The following PCDHGC3 variants were observed in gnomAD, a reference collection of about 807,000 sequenced individuals.
The protein encoded by PCDHGC3 is protocadherin gamma-C3.
A neutral mutation model predicts 59.2 loss-of-function variants in PCDHGC3; 26 were observed. That is an observed-to-expected ratio of 0.44 (90% CI 0.32 to 0.61). The LOEUF is 0.61. Among genes scored for constraint, PCDHGC3 ranks in the 20% least tolerant of loss-of-function variants. PCDHGC3 has a pLI of 0.05. For synonymous variants in PCDHGC3, 487 were observed against 519.7 expected (o/e 0.94, Z 0.86); for missense variants, 1,080 against 1,221.8 (o/e 0.88, Z 1.73).
intron 1 of PCDHGC3, among the ~76,000 whole-genome samples, chr5:141,481,223 A>C (rs935737972): frequency 3.3e-5 from 5 of 152,242 alleles, no homozygotes; most frequent in Non-Finnish European, 7.3e-5. Context: ...AAGGTCTCCC[A>C]GCCTTAAAGT....
In PCDHGC3 at chr5:141,477,446, C is replaced by A; in HGVS notation, c.1330C>A (p.Arg444Ser). 1 of 1,614,196 alleles carries A rather than the reference C, an allele frequency of 6.2e-7. No homozygotes were observed. The highest frequency in any genetic ancestry group is 8.5e-7 in the Non-Finnish European group (1 of 1,180,022). The part of the protein sequence containing the change: ...TPSLSALTIV[R>S]VQVSDINDNP... The stretch of plus-strand genomic sequence containing the variant: ...TTCCCTCTCAGCCCTTACAATAGTG[C>A]GTGTTCAAGTGTCCGACATCAATGA... The change falls in exon 1 of 4, where the codon CGT becomes AGT. Residue 444 changes from arginine to serine, a missense_variant. Physicochemically the swap from Arg to Ser is moderately radical, Grantham distance 110. Transcript: ENST00000308177. The surrounding 1 kb of genome is among the most constrained non-coding windows in gnomAD (Gnocchi z 4.9).
At position 141,492,010 on chromosome 5, in the gene PCDHGC3, G is replaced by A. The variant is rs2099736138; in HGVS notation, c.2431-2797G>A. 2 of 617,370 alleles carry A rather than the reference G, an allele frequency of 3.2e-6. 1 individual carries two copies. Among genetic ancestry groups the A allele is most frequent in the Middle Eastern group, 8.7e-4 (2 of 2,312 alleles). The allele number at this position is 617,370 out of a possible 1,614,324, so 38.2% of individuals were successfully genotyped here. On this transcript the variant is annotated intron_variant, in intron 1 of 3. Transcript: ENST00000308177. Reference sequence around the variant, plus strand: ...GGTGAATTTCGGGCGATTTCCGCGGGTGTCGGGGGTCCCGGGAGGAGGCAG... The same window carrying A: ...GGTGAATTTCGGGCGATTTCCGCGGATGTCGGGGGTCCCGGGAGGAGGCAG...
chr5:141,490,184 TC>T lies in PCDHGC3; in HGVS notation c.2431-4622del, dbSNP rs1293752541. The T allele has an allele frequency of 1.2e-6, 2 of 1,614,196 alleles. No individual in the cohort carries two copies. The highest frequency in any genetic ancestry group is 1.7e-6 in the Non-Finnish European group (2 of 1,180,030). On this transcript the variant is annotated intron_variant, in intron 1 of 3. Coordinates refer to ENST00000308177, the MANE Select transcript of PCDHGC3 (RefSeq NM_002588.4). This position sits in a 1 kb window ranked among gnomAD's most constrained non-coding sequence, Gnocchi z 5.4. The stretch of plus-strand genomic sequence containing the variant: ...CCCATAGACTTTGAGGAGTCACGTT[TC>T]TATGAAATTCATGCAAGAGCCCGTG...
chr5:141,486,901 T>A lies in PCDHGC3; in HGVS notation c.2431-7906T>A. The A allele has an allele frequency of 6.2e-7, 1 of 1,614,238 alleles. No homozygotes were observed. Among genetic ancestry groups the A allele is most frequent in the Non-Finnish European group, 8.5e-7 (1 of 1,180,042 alleles). ...CTCGGGCCCGGCCTGGTTCCTTATG[T>A]CCCCAAGCACTGCCTCCATCAGTTG... On this transcript the variant is annotated intron_variant, in intron 1 of 3. Transcript: ENST00000308177. This position sits in a 1 kb window ranked among gnomAD's most constrained non-coding sequence, Gnocchi z 5.0.
At chr5:141,507,447 G>A (rs998019159) in intron 3 of PCDHGC3, among the ~76,000 whole-genome samples, 1 of 152,226 alleles carries the variant, frequency 6.6e-6, no homozygotes, top group Non-Finnish European at 1.5e-5. Flanking sequence ...GCTGACGGAA[G>A]GACAGAGAGA....
chr5:141,507,781 C>A (rs2099863256), intron 3 of PCDHGC3, among the ~76,000 whole-genome samples: 1 of 152,214 alleles, frequency 6.6e-6, no homozygotes, highest in South Asian at 2.1e-4. Flanking sequence ...CAGGGCCTGA[C>A]CCTCGTCTAA....
chr5:141,506,645 A>G (rs1229614297), intron 3 of PCDHGC3, among the ~76,000 whole-genome samples: 3 of 152,188 alleles, frequency 2.0e-5, no homozygotes, highest in African/African-American at 7.2e-5. Context: ...CCCTCAGCAC[A>G]GGATTGGCAG....
Position 141,491,402 on chromosome 5 carries a change from C to T in PCDHGC3, c.2431-3405C>T. 1 of 1,614,156 alleles carries T rather than the reference C, an allele frequency of 6.2e-7. No individual in the cohort carries two copies. Among genetic ancestry groups the T allele is most frequent in the Non-Finnish European group, 8.5e-7 (1 of 1,180,022 alleles). ...TCAGCGAAGTGCCTTCAGGGAAACG[C>T]AGACGGGGACGGGGGTGGAGGGCAG... On this transcript the variant is annotated intron_variant, in intron 1 of 3. Transcript: ENST00000308177. The surrounding 1 kb of genome is among the most constrained non-coding windows in gnomAD (Gnocchi z 6.9).
intron 1 of PCDHGC3, chr5:141,492,027 A>T (rs1157170828): frequency 8.8e-6 from 5 of 565,466 alleles, no homozygotes; most frequent in African/African-American, 7.7e-5. Flanking sequence ...GGGTCCCGGG[A>T]GGAGGCAGTC....
chr5:141,505,143 C>G lies in PCDHGC3; in HGVS notation c.2490-250C>G, dbSNP rs578261428. ...CGCCACTGCACTCCAGCCTGGATGA[C>G]AGAGTAAGACCCTGTCTAAAACAAA... On this transcript the variant is annotated intron_variant, in intron 2 of 3. Coordinates refer to ENST00000308177, the MANE Select transcript of PCDHGC3 (RefSeq NM_002588.4). Among the ~76,000 whole-genome samples the G allele has an allele frequency of 3.3e-5, 5 of 152,290 alleles. No homozygotes were observed. The East Asian group carries it at 7.7e-4, about 24-fold the overall frequency.
rs2099400874 is a variant in PCDHGC3 at position 141,476,888 on chromosome 5, C to T, written c.772C>T (p.Pro258Ser). Residue 258 changes from proline (P) to serine (S), a missense_variant, in exon 1 of 4, where the codon CCC (proline) becomes TCC (serine). Pro to Ser is a moderately conservative substitution (Grantham distance 74). Transcript: ENST00000308177. This position sits in a 1 kb window ranked among gnomAD's most constrained non-coding sequence, Gnocchi z 7.6. ...CCGGGCGCGCGTCCTGGAGGATGCA[C>T]CCTCCGGCACGCGCGTGGTACAAGT... is the stretch of plus-strand genomic sequence containing the variant. ...LYRARVLEDAPSGTRVVQVLA... is the reference protein window; with the variant it reads ...LYRARVLEDASSGTRVVQVLA... 1.2e-6 allele frequency: 2 copies of T among 1,613,964 alleles called. No homozygotes were observed. The highest frequency in any genetic ancestry group is 1.7e-6 in the Non-Finnish European group (2 of 1,180,030).
intron 2 of PCDHGC3, among the ~76,000 whole-genome samples, chr5:141,496,334 G>T (rs959266723): frequency 2.6e-5 from 4 of 152,240 alleles, no homozygotes; most frequent in Admixed American, 6.5e-5. Context: ...GAAGTCAGGA[G>T]CCTGGAGGAG....
intron 1 of PCDHGC3, among the ~76,000 whole-genome samples, chr5:141,494,113 C>G (rs2099751999): frequency 6.6e-6 from 1 of 152,214 alleles, no homozygotes; most frequent in Non-Finnish European, 1.5e-5. Flanking sequence ...TCAGACAGAG[C>G]AGCCTTGTTC....
At chr5:141,503,023 A>AAT (rs2099817696) in intron 2 of PCDHGC3, among the ~76,000 whole-genome samples, 1 of 141,888 alleles carries the variant, frequency 7.0e-6, no homozygotes, top group African/African-American at 2.6e-5. Context: ...TTTTTTTTTT[A>AAT]ATATCTATTT....
chr5:141,485,003 A>G lies in PCDHGC3; in HGVS notation c.2430+6457A>G. On this transcript the variant is annotated intron_variant, in intron 1 of 3. Coordinates refer to ENST00000308177, the MANE Select transcript of PCDHGC3 (RefSeq NM_002588.4). The surrounding 1 kb of genome is among the most constrained non-coding windows in gnomAD (Gnocchi z 5.7). ...CAATCGGGTGGTGAAAGGCAGACAA[A>G]TCTACCCCGCCACCAGCAAAAACGG... 1 of 620,758 alleles carries G rather than the reference A, an allele frequency of 1.6e-6. No homozygotes were observed. The highest frequency in any genetic ancestry group is 2.0e-5 in the South Asian group (1 of 50,492). The allele number at this position is 620,758 out of a possible 1,614,324, so 38.5% of individuals were successfully genotyped here.
intron 1 of PCDHGC3, among the ~76,000 whole-genome samples, chr5:141,483,945 ATTGTG>A (rs2099589210): frequency 8.3e-6 from 1 of 120,394 alleles, no homozygotes; most frequent in Non-Finnish European, 1.6e-5. Context: ...TACGGTGTGA[ATTGTG>A]TTGTGTTTCT....
chr5:141,486,561 T>C lies in PCDHGC3; in HGVS notation c.2430+8015T>C. ...TTCTTTCAGAGGTCACATGAGGTGT[T>C]TGTTCCTGAGAACAATCGCCCAGGG... On this transcript the variant is annotated intron_variant, in intron 1 of 3. Transcript: ENST00000308177. This position sits in a 1 kb window ranked among gnomAD's most constrained non-coding sequence, Gnocchi z 5.0. 6.2e-7 allele frequency: 1 copy of C among 1,614,076 alleles called. No individual in the cohort carries two copies. Among genetic ancestry groups the C allele is most frequent in the Non-Finnish European group, 8.5e-7 (1 of 1,180,030 alleles).
intron 2 of PCDHGC3, among the ~76,000 whole-genome samples, chr5:141,495,119 C>T (rs1024197360): frequency 3.9e-5 from 6 of 152,182 alleles, no homozygotes; most frequent in African/African-American, 1.4e-4. Context: ...CTTTTCCTAT[C>T]CCCTGAGGGC....
rs149314216 is a variant in PCDHGC3, at chr5:141,487,041, G to A, written c.2431-7766G>A. 2.1e-3 allele frequency: 3,442 copies of A among 1,614,128 alleles called. 3 individuals carry two copies. Among genetic ancestry groups the A allele is most frequent in the Non-Finnish European group, 2.7e-3 (3,235 of 1,180,026 alleles). ...GATCCCAGCCTGTTTGCAGTCTCTC[G>A]ATATGCTGGGGAGGTGCGGACGGCT... On this transcript the variant is annotated intron_variant, in intron 1 of 3. Transcript: ENST00000308177. The surrounding 1 kb of genome is among the most constrained non-coding windows in gnomAD (Gnocchi z 5.0).
Sources: gnomAD v4.1 joint callset for allele counts (sites outside exome capture counted in the v4.1 genomes callset) on GRCh38, gnomAD v4.1.1 for gene constraint, Gnocchi (gnomAD v3.1) non-coding constraint, MANE v1.5 for transcripts, NCBI Gene and HGNC (gene_info 2026-07-23, HGNC 2026-07-21) for gene names.